The following CA14 variants were observed in gnomAD, a reference collection of about 807,000 sequenced individuals.
CA14 encodes the protein CA-XIV.
A neutral mutation model predicts 48.8 loss-of-function variants in CA14; 44 were observed. The ratio of observed to expected loss-of-function variants is 0.90; its 90% CI spans 0.71 to 1.16. CA14 has a LOEUF of 1.16. Among genes scored for constraint, CA14 ranks in the 50% most tolerant of loss-of-function variants. The probability of loss-of-function intolerance (pLI) is 0.00; values close to 1 mark genes in which losing one functional copy is unlikely to be tolerated. For missense variants in CA14, 386 were observed against 401.0 expected (o/e 0.96, Z 0.32); for synonymous variants, 154 against 155.0 (o/e 0.99, Z 0.05).
chr1:150,261,238 T>G, intron 2 of CA14: 2 of 558,366 alleles, frequency 3.6e-6, no homozygotes, highest in Non-Finnish European at 3.2e-6. Flanking sequence ...GAATCATCAC[T>G]GCCTCTGGGT....
In CA14 at chr1:150,263,813, T is replaced by C; in HGVS notation, c.882T>C (p.Gly294=). ...SYTTGEMLSL[G]VGILVGCLCL... ...CCCCAGGTGAAATGCTGAGTCTAGG[T>C]GTAGGAATCTTGGTTGGCTGTCTCT... Residue 294 remains glycine (G), a synonymous_variant, in exon 10 of 11, where the codon GGT becomes GGC. Transcript: ENST00000369111. 2.5e-6 allele frequency: 4 copies of C among 1,614,060 alleles called. No homozygotes were observed. The highest frequency in any genetic ancestry group is 2.2e-5 in the East Asian group (1 of 44,886).
chr1:150,264,449 C>A (rs998125252), intron 10 of CA14, 144 bp from the exon 11 acceptor site: 1 of 560,550 alleles, frequency 1.8e-6, no homozygotes, highest in East Asian at 3.1e-5. Flanking sequence ...GTGATCCGCC[C>A]GCCTCAGCCT....
chr1:150,262,504 A>G (rs1346805955), intron 4 of CA14, 21 bp from the exon 5 acceptor site: 3 of 1,583,956 alleles, frequency 1.9e-6, no homozygotes, highest in Non-Finnish European at 2.6e-6. Flanking sequence ...CCATGATTCA[A>G]TTCCCTCTTC....
intron 1 of CA14, among the ~76,000 whole-genome samples, chr1:150,259,159 G>A (rs1193723201): frequency 6.6e-6 from 1 of 152,178 alleles, no homozygotes; most frequent in Non-Finnish European, 1.5e-5. Flanking sequence ...TCTCCCTTGG[G>A]CTAGCAGAAT....
rs782255287 is a variant in CA14 at position 150,261,594 on chromosome 1, A to G, written c.212A>G (p.Gln71Arg). The change falls in exon 3 of 11, where the codon CAG becomes CGG. Residue 71 changes from glutamine to arginine, a missense_variant. Physicochemically the swap from Gln to Arg is conservative, Grantham distance 43. Coordinates refer to ENST00000369111, the MANE Select transcript of CA14 (RefSeq NM_012113.3). Reference sequence around the variant, plus strand: ...GCTCTGCAGCCCCACGGATATGACCAGCCTGGCACCGAGCCTTTGGACCTG... The same window carrying G: ...GCTCTGCAGCCCCACGGATATGACCGGCCTGGCACCGAGCCTTTGGACCTG... The part of the protein sequence containing the change: ...LPALQPHGYD[Q>R]PGTEPLDLHN... The G allele has an allele frequency of 6.2e-7, 1 of 1,614,202 alleles. No individual in the cohort carries two copies. Among genetic ancestry groups the G allele is most frequent in the Admixed American group, 1.7e-5 (1 of 60,014 alleles).
intron 10 of CA14, 25 bp from the exon 11 acceptor site, chr1:150,264,568 T>C (rs782353983): frequency 7.3e-7 from 1 of 1,377,340 alleles, no homozygotes; most frequent in South Asian, 1.2e-5. Flanking sequence ...TAGCAGTCAT[T>C]CTCATGAGCC....
Position 150,263,185 on chromosome 1 carries a change from A to T in CA14, c.706A>T (p.Ile236Phe), listed in dbSNP as rs781844460. ...GACAGTTTTTTATAGAAGGTCCCAG[A>T]TTTCAATGGAACAGGTAAGTGGTGG... is the stretch of plus-strand genomic sequence containing the variant. ...LWTVFYRRSQISMEQLEKLQG... is the reference protein window; with the variant it reads ...LWTVFYRRSQFSMEQLEKLQG... Residue 236 changes from isoleucine (I) to phenylalanine (F), a missense_variant, in exon 7 of 11, where the codon ATT becomes TTT. Physicochemically the swap from Ile to Phe is conservative, Grantham distance 21. Transcript: ENST00000369111. The T allele has an allele frequency of 6.2e-7, 1 of 1,614,124 alleles. No individual in the cohort carries two copies. The highest frequency in any genetic ancestry group is 8.5e-7 in the Non-Finnish European group (1 of 1,180,020).
chr1:150,263,354 T>C lies in CA14; in HGVS notation c.776T>C (p.Leu259Pro). Residue 259 changes from leucine (L) to proline (P), a missense_variant, in exon 8 of 11, where the codon CTG (leucine) becomes CCG (proline). By Grantham distance (98) the Leu-to-Pro change is moderately conservative (BLOSUM62 -3). Transcript: ENST00000369111. ...FSTEEEPSKL[L>P]VQNYRALQPL... ...ACAGAAGAGGAGCCCTCTAAGCTTC[T>C]GGTACAGAACTACCGAGCCCTTCAG... 5 of 1,614,236 alleles carry C rather than the reference T, an allele frequency of 3.1e-6. No individual in the cohort carries two copies. The highest frequency in any genetic ancestry group is 4.2e-6 in the Non-Finnish European group (5 of 1,180,048).
chr1:150,260,334 A>G (rs1553847544), intron 2 of CA14, 163 bp downstream of exon 2: 2 of 731,954 alleles, frequency 2.7e-6, no homozygotes. Flanking sequence ...TATGGCTCCT[A>G]GATCCTGCTC....
At chr1:150,260,107 C>T in intron 1 of CA14, 44 bp from the exon 2 acceptor site, 2 of 1,608,134 alleles carry the variant, frequency 1.2e-6, no homozygotes, top group South Asian at 2.2e-5. Context: ...CAGGGTTCTG[C>T]CCCAGGCTGC....
chr1:150,259,994 G>A (rs782515678), intron 1 of CA14, among the ~76,000 whole-genome samples, 157 bp from the exon 2 acceptor site: 4 of 152,182 alleles, frequency 2.6e-5, no homozygotes, highest in East Asian at 1.9e-4. Context: ...AGAGGTGTCC[G>A]GTTTCAGGGC....
chr1:150,263,289 T>TG lies in CA14; in HGVS notation c.721-9dup. ...CAAAGTAACACCTCTCCCACGCTTC[T>TG]GCTCCTCAGCTGGAAAAGCTTCAGG... On this transcript the variant is annotated splice_polypyrimidine_tract_variant and intron_variant, in intron 7 of 10. Transcript: ENST00000369111. 6.2e-7 allele frequency: 1 copy of TG among 1,614,174 alleles called. No individual in the cohort carries two copies. Among genetic ancestry groups the TG allele is most frequent in the Non-Finnish European group, 8.5e-7 (1 of 1,180,008 alleles).
rs1403047958 is a variant in CA14, at chr1:150,263,614, G to A, written c.842-45G>A. ...CAGCAGAGAGTGCTGCTCCCAGCTG[G>A]GATGGGGATCTGAAGTCCCACTGAC... is the stretch of plus-strand genomic sequence containing the variant. On this transcript the variant is annotated intron_variant, in intron 8 of 10. Transcript: ENST00000369111. 6 of 1,612,908 alleles carry A rather than the reference G, an allele frequency of 3.7e-6. No individual in the cohort carries two copies. In the Admixed American group the frequency reaches 1.0e-4, roughly 27 times the overall value.
chr1:150,262,831 G>T lies in CA14; in HGVS notation c.523G>T (p.Glu175Ter). Reference protein sequence around the residue: ...EVGETKNIAYEHILSHLHEVR... With the variant: ...EVGETKNIAY ...GGGTGAGACTAAGAATATAGCTTATGAACACATTCTGAGTCACTTGCATGA... is the reference window on the plus strand; with the variant it reads ...GGGTGAGACTAAGAATATAGCTTATTAACACATTCTGAGTCACTTGCATGA... Residue 175 changes from glutamate (E) to a stop codon, truncating the protein, a stop_gained, in exon 6 of 11, where the codon GAA (glutamate) becomes TAA (stop). Transcript: ENST00000369111. LOFTEE classifies it high-confidence loss of function. 1.2e-6 allele frequency: 2 copies of T among 1,613,096 alleles called. No homozygotes were observed. Among genetic ancestry groups the T allele is most frequent in the South Asian group, 1.1e-5 (1 of 91,026 alleles).
intron 1 of CA14, among the ~76,000 whole-genome samples, chr1:150,259,228 C>G (rs976199849): frequency 1.3e-5 from 2 of 152,148 alleles, no homozygotes; most frequent in Admixed American, 1.3e-4. Context: ...GAATAAGAGA[C>G]AGAGAGAGGA....
rs1553847848 is a variant in CA14, at chr1:150,261,598, T to C, written c.216T>C (p.Pro72=). 2 of 1,614,174 alleles carry C rather than the reference T, an allele frequency of 1.2e-6. No homozygotes were observed. Among genetic ancestry groups the C allele is most frequent in the Non-Finnish European group, 1.7e-6 (2 of 1,180,036 alleles). Residue 72 remains proline (P), a synonymous_variant, in exon 3 of 11, where the codon CCT becomes CCC. Coordinates refer to ENST00000369111, the MANE Select transcript of CA14 (RefSeq NM_012113.3). ...PALQPHGYDQ[P]GTEPLDLHNN... Reference sequence around the variant, plus strand: ...TGCAGCCCCACGGATATGACCAGCCTGGCACCGAGCCTTTGGACCTGCACA... The same window carrying C: ...TGCAGCCCCACGGATATGACCAGCCCGGCACCGAGCCTTTGGACCTGCACA...
chr1:150,264,573 T>C lies in CA14; in HGVS notation c.948-20T>C, dbSNP rs1288122227. ...TTCACTTAGATAGCAGTCATTCTCA[T>C]GAGCCATTCCCCTTTCCAGGAAGAA... On this transcript the variant is annotated intron_variant, in intron 10 of 10. Coordinates refer to ENST00000369111, the MANE Select transcript of CA14 (RefSeq NM_012113.3). The C allele has an allele frequency of 1.4e-6, 2 of 1,442,402 alleles. No individual in the cohort carries two copies. The highest frequency in any genetic ancestry group is 1.4e-5 in the African/African-American group (1 of 71,690). 89.4% of individuals were successfully genotyped at this position (1,442,402 alleles called of 1,614,324 possible). A position where few individuals can be genotyped will look rare whatever the true frequency, so the allele number is the denominator to read the frequency against.
At chr1:150,264,525 C>A in intron 10 of CA14, 68 bp from the exon 11 acceptor site, 1 of 904,376 alleles carries the variant, frequency 1.1e-6, no homozygotes, top group Non-Finnish European at 1.8e-6. Context: ...AAAAAGCATT[C>A]TCCTATTTCA....
Position 150,258,060 on chromosome 1 carries a change from T to C in CA14, c.-69T>C. On this transcript the variant is annotated 5_prime_UTR_variant, in exon 1 of 11. Transcript: ENST00000369111. ...TCTCTCTCTCTCACTCCTCCCTCCC[T>C]CTCTCTCTGCCTGTCCTAGTCCTCT... is the stretch of plus-strand genomic sequence containing the variant. 2 of 1,124,066 alleles carry C rather than the reference T, an allele frequency of 1.8e-6. No individual in the cohort carries two copies. Among genetic ancestry groups the C allele is most frequent in the Non-Finnish European group, 2.6e-6 (2 of 781,390 alleles). 69.6% of individuals were successfully genotyped at this position (1,124,066 alleles called of 1,614,324 possible). A position where few individuals can be genotyped will look rare whatever the true frequency, so the allele number is the denominator to read the frequency against.
Sources: gnomAD v4.1 joint callset for allele counts (sites outside exome capture counted in the v4.1 genomes callset) on GRCh38, gnomAD v4.1.1 for gene constraint, MANE v1.5 for transcripts, NCBI Gene and HGNC (gene_info 2026-07-23, HGNC 2026-07-21) for gene names.